Variants in SMAD3 observed in about 807,000 individuals in gnomAD.
SMAD3 encodes SMAD family member 3.
Under a neutral mutation model 51.8 loss-of-function variants are expected in SMAD3, and 12 were observed. That is an observed-to-expected ratio of 0.23 (90% CI 0.15 to 0.38). The LOEUF (loss-of-function observed/expected upper bound fraction) is 0.38. Among genes scored for constraint, SMAD3 ranks in the 10% least tolerant of loss-of-function variants. The pLI is 1.00. For missense variants in SMAD3, 294 were observed against 565.6 expected (o/e 0.52, Z 4.87); for synonymous variants, 238 against 227.7 (o/e 1.05, Z -0.41).
chr15:67,164,718 C>T (rs897434232), intron 1 of SMAD3, among the ~76,000 whole-genome samples, 177 bp from the exon 2 acceptor site: 1 of 152,304 alleles, frequency 6.6e-6, no homozygotes, highest in Non-Finnish European at 1.5e-5. Context: ...GTTGTCTTCT[C>T]CTGAGATCCC....
intron 1 of SMAD3, among the ~76,000 whole-genome samples, chr15:67,139,204 G>A (rs1266159436): frequency 6.6e-6 from 1 of 152,150 alleles, no homozygotes; most frequent in Non-Finnish European, 1.5e-5. Context: ...AAGTTTACGT[G>A]GATCTTGAGG....
chr15:67,086,352 A>C (rs905877023), intron 1 of SMAD3, among the ~76,000 whole-genome samples: 7 of 152,154 alleles, frequency 4.6e-5, no homozygotes, highest in Non-Finnish European at 8.8e-5. Flanking sequence ...GTAGCATCTA[A>C]ACAGCCCTTG....
intron 1 of SMAD3, among the ~76,000 whole-genome samples, chr15:67,138,981 A>G (rs1961744620): frequency 6.6e-6 from 1 of 152,222 alleles, no homozygotes; most frequent in Non-Finnish European, 1.5e-5. Flanking sequence ...AAAGCCCTTC[A>G]CTGTGCCTAT....
intron 1 of SMAD3, among the ~76,000 whole-genome samples, chr15:67,072,509 C>G (rs1377463322): frequency 6.6e-6 from 1 of 152,220 alleles, no homozygotes; most frequent in African/African-American, 2.4e-5. Flanking sequence ...CCCTTTTCTC[C>G]TTTGCCATAT....
chr15:67,141,202 C>T (rs2140264847), intron 1 of SMAD3, among the ~76,000 whole-genome samples: 1 of 152,284 alleles, frequency 6.6e-6, no homozygotes, highest in South Asian at 2.1e-4. Flanking sequence ...GGAAAGGGAG[C>T]TTGACTTGGC....
At chr15:67,140,376 G>A (rs1566981465) in intron 1 of SMAD3, among the ~76,000 whole-genome samples, 2 of 152,210 alleles carry the variant, frequency 1.3e-5, no homozygotes, top group Admixed American at 6.5e-5. Context: ...GTTGAGTAGA[G>A]ACTCCTTTAG....
chr15:67,087,642 C>T (rs11631785), intron 1 of SMAD3, among the ~76,000 whole-genome samples: 82,131 of 151,934 alleles, frequency 0.54, 22,487 homozygotes, highest in South Asian at 0.73. Flanking sequence ...TTTCCTTTCC[C>T]GGCGGGTGAT....
chr15:67,166,451 GA>G, intron 3 of SMAD3: 1 of 465,174 alleles, frequency 2.1e-6, no homozygotes, highest in South Asian at 2.1e-5. Context: ...GGCAAGTCTG[GA>G]CGCCTCCCTG....
intron 1 of SMAD3, among the ~76,000 whole-genome samples, chr15:67,140,906 A>C (rs920549562): frequency 1.3e-5 from 2 of 152,162 alleles, no homozygotes; most frequent in Non-Finnish European, 1.5e-5. Context: ...AGTCGGCATC[A>C]GACAGTAGCA....
intron 1 of SMAD3, among the ~76,000 whole-genome samples, chr15:67,106,186 G>A (rs1311609546): frequency 3.3e-5 from 5 of 152,038 alleles, no homozygotes; most frequent in South Asian, 2.1e-4. Context: ...ATTCTCCACC[G>A]GCAGCCAGCA....
intron 5 of SMAD3, among the ~76,000 whole-genome samples, chr15:67,177,306 C>A (rs1436646911): frequency 6.6e-6 from 1 of 152,166 alleles, no homozygotes; most frequent in South Asian, 2.1e-4. Context: ...ACTATAACCT[C>A]ATGGTTATCC....
chr15:67,175,260 G>A (rs944550670), intron 5 of SMAD3, among the ~76,000 whole-genome samples: 4 of 152,178 alleles, frequency 2.6e-5, no homozygotes, highest in African/African-American at 9.7e-5. Flanking sequence ...CCCTGAGGGA[G>A]CAGTTGAGCT....
At chr15:67,085,057 C>T (rs191766436) in intron 1 of SMAD3, among the ~76,000 whole-genome samples, 100 of 152,266 alleles carry the variant, frequency 6.6e-4, no homozygotes, top group Admixed American at 3.0e-3. Context: ...CTAGGATGCT[C>T]GGGAATCTTT....
At chr15:67,114,076 T>C (rs537106794) in intron 1 of SMAD3, among the ~76,000 whole-genome samples, 37 of 152,354 alleles carry the variant, frequency 2.4e-4, no homozygotes, top group Admixed American at 1.7e-3. Context: ...TCCTGAGTGC[T>C]GGCTAAGCAG....
intron 1 of SMAD3, among the ~76,000 whole-genome samples, chr15:67,084,469 A>G (rs916311035): frequency 1.3e-5 from 2 of 152,146 alleles, no homozygotes; most frequent in Non-Finnish European, 2.9e-5. Context: ...CCTGGGGGAC[A>G]AATCTAAGTT....
chr15:67,187,645 C>CCAAG (rs746695762), intron 8 of SMAD3, 136 bp downstream of exon 8: 2 of 1,152,114 alleles, frequency 1.7e-6, no homozygotes, highest in Non-Finnish European at 2.6e-6. Flanking sequence ...CAGAGAGAGG[C>CCAAG]CAAGGCCTGG....
chr15:67,162,990 T>G (rs1358694640), intron 1 of SMAD3, among the ~76,000 whole-genome samples: 1 of 140,616 alleles, frequency 7.1e-6, no homozygotes, highest in Non-Finnish European at 1.6e-5. Context: ...TGATGATGAT[T>G]TGAAACGGAG....
chr15:67,096,319 G>A (rs755749984), intron 1 of SMAD3, among the ~76,000 whole-genome samples: 10 of 152,190 alleles, frequency 6.6e-5, no homozygotes, highest in Non-Finnish European at 1.3e-4. Flanking sequence ...GAGAAGTGAA[G>A]TAAAAACGAT....
chr15:67,144,282 G>A (rs1961914930), intron 1 of SMAD3, among the ~76,000 whole-genome samples: 1 of 151,830 alleles, frequency 6.6e-6, no homozygotes, highest in African/African-American at 2.4e-5. Context: ...TTTTTTTAAT[G>A]CAGCATAATT....
Sources: gnomAD v4.1 joint callset for allele counts (sites outside exome capture counted in the v4.1 genomes callset) on GRCh38, gnomAD v4.1.1 for gene constraint, MANE v1.5 for transcripts, NCBI Gene and HGNC (gene_info 2026-07-23, HGNC 2026-07-21) for gene names.